Variants in WWC1 observed in about 807,000 individuals in gnomAD.
The protein encoded by WWC1 is WW and C2 domain containing 1.
In WWC1, 55 loss-of-function variants were observed where a neutral mutation model predicts 138.4. That is an observed-to-expected ratio of 0.40 (90% CI 0.32 to 0.50). WWC1 has a LOEUF of 0.50. WWC1 is among the 20% of genes least tolerant of loss of function. WWC1 has a pLI of 0.72. For missense variants in WWC1, 1,226 were observed against 1,420.4 expected, an observed-to-expected ratio of 0.86 and a Z score of 2.20; for synonymous variants, 524 against 564.9, an observed-to-expected ratio of 0.93 and a Z score of 1.03.
At chr5:168,349,799 T>C (rs1005110023) in intron 1 of WWC1, among the ~76,000 whole-genome samples, 4 of 152,124 alleles carry the variant, frequency 2.6e-5, no homozygotes, top group African/African-American at 9.7e-5. Flanking sequence ...CCCTTCCTGT[T>C]TTTGGAAGAA....
intron 15 of WWC1, 123 bp downstream of exon 15, chr5:168,431,567 G>A: frequency 9.1e-7 from 1 of 1,102,560 alleles, no homozygotes; most frequent in Non-Finnish European, 1.2e-6. Flanking sequence ...GTTCGAAGGA[G>A]ACGCAGGTTG....
intron 17 of WWC1, among the ~76,000 whole-genome samples, chr5:168,452,801 T>G (rs1445323876): frequency 2.0e-5 from 3 of 152,132 alleles, no homozygotes; most frequent in Admixed American, 2.0e-4. Context: ...TTCCTCATCT[T>G]CCTCCTCCTT....
intron 1 of WWC1, among the ~76,000 whole-genome samples, chr5:168,355,281 G>T (rs951756012): frequency 6.6e-6 from 1 of 152,018 alleles, no homozygotes; most frequent in African/African-American, 2.4e-5. Flanking sequence ...ATCACCTGAG[G>T]TCAGGAGTTT....
At position 168,428,734 on chromosome 5, in the gene WWC1, T is replaced by C; in HGVS notation, c.1947T>C (p.Phe649=). ...TGGGTGCTTCAGAAGCTGCTGCATT[T>C]GACAGTGACGAATCGGAAGCAGTGG... is the stretch of plus-strand genomic sequence containing the variant. ...QRLGASEAAA[F]DSDESEAVGA... is the part of the protein sequence containing the mutation. The change falls in exon 13 of 23, where the codon TTT becomes TTC. Residue 649 remains phenylalanine, a synonymous_variant. Transcript: ENST00000265293. 6.2e-7 allele frequency: 1 copy of C among 1,613,976 alleles called. No individual in the cohort carries two copies.
intron 19 of WWC1, among the ~76,000 whole-genome samples, chr5:168,456,822 T>C (rs1482269192): frequency 6.6e-6 from 1 of 152,204 alleles, no homozygotes; most frequent in East Asian, 1.9e-4. Context: ...TCGTTCTTTT[T>C]CATCAGGATA....
At chr5:168,365,981 G>A (rs776712219) in intron 1 of WWC1, among the ~76,000 whole-genome samples, 10 of 152,218 alleles carry the variant, frequency 6.6e-5, no homozygotes, top group Non-Finnish European at 1.2e-4. Context: ...CTTCACCCGA[G>A]GGTGGGGGCT....
chr5:168,325,427 G>A (rs368183593), intron 1 of WWC1, among the ~76,000 whole-genome samples: 9 of 152,178 alleles, frequency 5.9e-5, no homozygotes, highest in South Asian at 2.1e-4. Flanking sequence ...GGCAGTGTCC[G>A]CCCTCAGGCT....
intron 2 of WWC1, among the ~76,000 whole-genome samples, chr5:168,384,583 C>G (rs983117511): frequency 6.6e-6 from 1 of 152,204 alleles, no homozygotes; most frequent in East Asian, 1.9e-4. Flanking sequence ...TTAGTCTTCA[C>G]CAAAGGAGAT....
At chr5:168,460,355 G>A (rs963358658) in intron 19 of WWC1, among the ~76,000 whole-genome samples, 2 of 152,232 alleles carry the variant, frequency 1.3e-5, no homozygotes, top group Non-Finnish European at 2.9e-5. Flanking sequence ...CCTCACTTGT[G>A]AAAATGGATT....
At chr5:168,378,414 A>C (rs1303852876) in intron 2 of WWC1, among the ~76,000 whole-genome samples, 1 of 151,200 alleles carries the variant, frequency 6.6e-6, no homozygotes, top group Non-Finnish European at 1.5e-5. Context: ...TGAATCTAAA[A>C]TTTAAAAGTT....
At chr5:168,408,376 CA>C in intron 6 of WWC1, 130 bp from the exon 7 acceptor site, 1 of 1,045,756 alleles carries the variant, frequency 9.6e-7, no homozygotes, top group East Asian at 2.5e-5. Flanking sequence ...ATCACAGGAT[CA>C]GTAGGATATC....
At chr5:168,468,273 G>A (rs1213022363) in intron 22 of WWC1, among the ~76,000 whole-genome samples, 3 of 152,210 alleles carry the variant, frequency 2.0e-5, no homozygotes, top group Non-Finnish European at 4.4e-5. Flanking sequence ...AGGGTTGGCT[G>A]AATGATAAAT....
chr5:168,366,950 A>C (rs1022153420), intron 1 of WWC1, among the ~76,000 whole-genome samples: 1 of 151,238 alleles, frequency 6.6e-6, no homozygotes, highest in Admixed American at 6.6e-5. Flanking sequence ...AGTGCCTGCC[A>C]CCATGCCCAG....
chr5:168,339,831 T>TTTC (rs1491319996), intron 1 of WWC1, among the ~76,000 whole-genome samples: 10 of 39,242 alleles, frequency 2.5e-4, no homozygotes, highest in South Asian at 1.3e-3. Context: ...TCTTTCTTTC[T>TTTC]TTTTCTTTTC....
intron 1 of WWC1, among the ~76,000 whole-genome samples, chr5:168,339,484 TGTTGTATATGTG>T (rs1434226709): frequency 6.6e-6 from 1 of 152,150 alleles, no homozygotes; most frequent in Non-Finnish European, 1.5e-5. Flanking sequence ...TAGGGAACAT[TGTTGTATATGTG>T]GTGGCTCGGG....
At chr5:168,316,029 C>G (rs1182425003) in intron 1 of WWC1, among the ~76,000 whole-genome samples, 2 of 152,146 alleles carry the variant, frequency 1.3e-5, no homozygotes, top group Non-Finnish European at 2.9e-5. Context: ...AGGGCTGACC[C>G]CAAACCCAGG....
chr5:168,463,051 T>A (rs952784992), intron 20 of WWC1, among the ~76,000 whole-genome samples: 2 of 152,206 alleles, frequency 1.3e-5, no homozygotes, highest in Admixed American at 1.3e-4. Flanking sequence ...GACTAGGTCT[T>A]ATGGTAATGC....
chr5:168,361,315 G>A (rs1034106524), intron 1 of WWC1, among the ~76,000 whole-genome samples: 17 of 152,116 alleles, frequency 1.1e-4, no homozygotes, highest in Admixed American at 3.9e-4. Context: ...GCAGGGTGAG[G>A]AGCAAAAAGA....
chr5:168,329,978 C>T (rs1316101823), intron 1 of WWC1, among the ~76,000 whole-genome samples: 3 of 152,030 alleles, frequency 2.0e-5, no homozygotes, highest in Admixed American at 2.0e-4. Flanking sequence ...GGCGTGGTGG[C>T]AGGCGTATGT....
Sources: allele counts gnomAD v4.1 joint callset (sites outside exome capture counted in the v4.1 genomes callset), GRCh38; gene constraint gnomAD v4.1.1; transcripts MANE v1.5; gene names NCBI Gene and HGNC (gene_info 2026-07-23, HGNC 2026-07-21).